The following TRIP13 variants were observed in gnomAD, a reference collection of about 807,000 sequenced individuals.
The protein encoded by TRIP13 is thyroid hormone receptor interactor 13, also known as pachytene checkpoint protein 2 homolog.
In TRIP13, 25 loss-of-function variants were observed where a neutral mutation model predicts 54.4. That is an observed-to-expected ratio of 0.46 (90% CI 0.33 to 0.64). The LOEUF is 0.64. Among genes scored for constraint, TRIP13 ranks in the 30% least tolerant of loss-of-function variants. TRIP13 has a pLI of 0.02. For synonymous variants in TRIP13, 207 were observed against 207.8 expected, an observed-to-expected ratio of 1.00 and a Z score of 0.03; for missense variants, 373 against 534.2, an observed-to-expected ratio of 0.70 and a Z score of 2.97.
intron 5 of TRIP13, 146 bp downstream of exon 5, chr5:901,577 G>A: frequency 1.5e-6 from 1 of 689,630 alleles, no homozygotes; most frequent in South Asian, 2.0e-5. Context: ...CTGTGAAGCA[G>A]ATCCAGCTCA....
chr5:911,497 C>T lies in TRIP13; in HGVS notation c.867-346C>T, dbSNP rs903840422. 9.3e-5 allele frequency among the ~76,000 whole-genome samples: 14 copies of T among 151,038 alleles called. No individual in the cohort carries two copies. Among genetic ancestry groups the T allele is most frequent in the African/African-American group, 3.2e-4 (13 of 40,956 alleles). ...GAGGCAGGAGAATGGTGTGAACCGG[C>T]GAGGCGGAGCTTGCAGTGAGCCGAG... is the stretch of plus-strand genomic sequence containing the variant. On this transcript the variant is annotated intron_variant, in intron 9 of 12. Coordinates refer to ENST00000166345, the MANE Select transcript of TRIP13 (RefSeq NM_004237.4). The surrounding 1 kb of genome is among the most constrained non-coding windows in gnomAD (Gnocchi z 4.7).
At chr5:896,627 G>A in intron 2 of TRIP13, 38 bp from the exon 3 acceptor site, 1 of 1,586,188 alleles carries the variant, frequency 6.3e-7, no homozygotes, top group Non-Finnish European at 8.6e-7. Flanking sequence ...AGTGAGAGTT[G>A]GAAATGTGTG....
In TRIP13 at chr5:892,919, C is replaced by T. The variant is rs547603457; in HGVS notation, c.-80C>T. 447 of 1,321,996 alleles carry T rather than the reference C, an allele frequency of 3.4e-4. 2 individuals carry two copies. The South Asian group carries it at 6.5e-3, about 19-fold the overall frequency. 81.9% of individuals were successfully genotyped at this position (1,321,996 alleles called of 1,614,324 possible). A position where few individuals can be genotyped will look rare whatever the true frequency, so the allele number is the denominator to read the frequency against. ...CTAGGGCGGGGCCCGCGGGCTGAGG[C>T]AGCGGCTGTGGCGGCGACGCTGGGC... On this transcript the variant is annotated 5_prime_UTR_variant, in exon 1 of 13. Coordinates refer to ENST00000166345, the MANE Select transcript of TRIP13 (RefSeq NM_004237.4).
At chr5:901,923 C>T (rs1252929465) in intron 5 of TRIP13, among the ~76,000 whole-genome samples, 2 of 152,186 alleles carry the variant, frequency 1.3e-5, no homozygotes, top group African/African-American at 2.4e-5. Flanking sequence ...GCGCGCGGCC[C>T]CTGGGGCATT....
In TRIP13 at chr5:915,748, A is replaced by G. The variant is rs1285057110; in HGVS notation, c.1134-156A>G. Among the ~76,000 whole-genome samples, 1 of 152,156 alleles carries G rather than the reference A, an allele frequency of 6.6e-6. No homozygotes were observed. The highest frequency in any genetic ancestry group is 1.5e-5 in the Non-Finnish European group (1 of 67,992). On this transcript the variant is annotated intron_variant, in intron 11 of 12. Coordinates refer to ENST00000166345, the MANE Select transcript of TRIP13 (RefSeq NM_004237.4). This position sits in a 1 kb window ranked among gnomAD's most constrained non-coding sequence, Gnocchi z 4.2. ...AGACATTCAGAGGGCAAGGCTCAGG[A>G]GACCAGTGAGGGGCAGGAAGTGCCC...
chr5:894,250 A>G (rs1446040898), intron 1 of TRIP13, among the ~76,000 whole-genome samples: 1 of 152,184 alleles, frequency 6.6e-6, no homozygotes, highest in Non-Finnish European at 1.5e-5. Flanking sequence ...ATAGCAGGGC[A>G]CAGAGGTGTG....
chr5:914,607 G>A (rs1274151148), intron 11 of TRIP13, 30 bp downstream of exon 11: 1 of 1,563,534 alleles, frequency 6.4e-7, no homozygotes, highest in Admixed American at 1.7e-5. Flanking sequence ...TTGTAATCAA[G>A]AAGAATCCAT....
rs1754317108 is a variant in TRIP13, at chr5:915,063, G to A, written c.1133+486G>A. On this transcript the variant is annotated intron_variant, in intron 11 of 12. Coordinates refer to ENST00000166345, the MANE Select transcript of TRIP13 (RefSeq NM_004237.4). The surrounding 1 kb of genome is among the most constrained non-coding windows in gnomAD (Gnocchi z 4.2). The stretch of plus-strand genomic sequence containing the variant: ...TGGGGAGGTGCCGGAGAGGCGGGGG[G>A]TGGAATGGACAGAGCCTCGGGTTTC... Among the ~76,000 whole-genome samples, 1 of 152,138 alleles carries A rather than the reference G, an allele frequency of 6.6e-6. No individual in the cohort carries two copies. The highest frequency in any genetic ancestry group is 6.5e-5 in the Admixed American group (1 of 15,274).
At position 901,458 on chromosome 5, in the gene TRIP13, C is replaced by G. The variant is rs1198233408; in HGVS notation, c.535+27C>G. 1.9e-6 allele frequency: 3 copies of G among 1,606,824 alleles called. No individual in the cohort carries two copies. In the African/African-American group the frequency reaches 4.0e-5, roughly 22 times the overall value. Reference sequence around the variant, plus strand: ...TAAATTATGCAGGCTTTTATTTGACCAGATAAGTGGCATGAAATTTAGCCT... The same window carrying G: ...TAAATTATGCAGGCTTTTATTTGACGAGATAAGTGGCATGAAATTTAGCCT... On this transcript the variant is annotated intron_variant, in intron 5 of 12. Coordinates refer to ENST00000166345, the MANE Select transcript of TRIP13 (RefSeq NM_004237.4).
At position 917,302 on chromosome 5, in the gene TRIP13, AC is replaced by A; in HGVS notation, c.*200del. The A allele has an allele frequency of 2.0e-6, 1 of 505,564 alleles. No homozygotes were observed. The highest frequency in any genetic ancestry group is 3.3e-5 in the East Asian group (1 of 30,070). The allele number at this position is 505,564 out of a possible 1,614,324, so 31.3% of individuals were successfully genotyped here. A position where few individuals can be genotyped will look rare whatever the true frequency, so the allele number is the denominator to read the frequency against. ...GTTGTTTTAAAATGCATACTGAGAG[AC>A]AAACATCTTGTCATTTTCACTGTTT... On this transcript the variant is annotated 3_prime_UTR_variant, in exon 13 of 13. Coordinates refer to ENST00000166345, the MANE Select transcript of TRIP13 (RefSeq NM_004237.4).
chr5:918,612 AATAG>A (rs1241898024), downstream of TRIP13, among the ~76,000 whole-genome samples: 1 of 152,338 alleles, frequency 6.6e-6, no homozygotes, highest in East Asian at 1.9e-4. This position sits in a 1 kb window ranked among gnomAD's most constrained non-coding sequence, Gnocchi z 4.3. Flanking sequence ...GAACTAATGG[AATAG>A]ATAGATACAT....
Position 892,941 on chromosome 5 carries a change from G to A in TRIP13, c.-58G>A. The A allele has an allele frequency of 7.1e-7, 1 of 1,402,972 alleles. No homozygotes were observed. Among genetic ancestry groups the A allele is most frequent in the African/African-American group, 1.5e-5 (1 of 65,932 alleles). The allele number at this position is 1,402,972 out of a possible 1,614,324, so 86.9% of individuals were successfully genotyped here. On this transcript the variant is annotated 5_prime_UTR_variant, in exon 1 of 13. Transcript: ENST00000166345. ...AGGCAGCGGCTGTGGCGGCGACGCT[G>A]GGCGTGAGGTGGCGGCGGCCGCGCC...
At chr5:901,621 T>C (rs780579329) in intron 5 of TRIP13, among the ~76,000 whole-genome samples, 190 bp downstream of exon 5, 4 of 152,258 alleles carry the variant, frequency 2.6e-5, no homozygotes, top group Non-Finnish European at 4.4e-5. Context: ...TGTTTGTTTG[T>C]TTTTGTTTTT....
intron 10 of TRIP13, 135 bp from the exon 11 acceptor site, chr5:914,330 A>G (rs1159277429): frequency 1.5e-6 from 1 of 664,052 alleles, no homozygotes; most frequent in Non-Finnish European, 2.7e-6. Context: ...GTGCATCTTG[A>G]GTCGTCACCG....
Position 914,555 on chromosome 5 carries a change from C to A in TRIP13, c.1111C>A (p.Leu371Ile). The part of the protein sequence containing the change: ...FIENNVSKLS[L>I]LLNDISRKSE... ...TGAAAACAACGTGTCAAAATTGAGC[C>A]TTCTTTTGAATGACATTTCAAGGTG... Residue 371 changes from leucine to isoleucine, a missense_variant, in exon 11 of 13, where the codon CTT (leucine) becomes ATT (isoleucine). Leu to Ile is a conservative substitution (Grantham distance 5). Transcript: ENST00000166345. 5.0e-6 allele frequency: 8 copies of A among 1,613,388 alleles called. No homozygotes were observed. The highest frequency in any genetic ancestry group is 5.9e-6 in the Non-Finnish European group (7 of 1,179,796).
Position 901,450 on chromosome 5 carries a change from T to C in TRIP13, c.535+19T>C. The stretch of plus-strand genomic sequence containing the variant: ...CTCCACGGTAAATTATGCAGGCTTT[T>C]ATTTGACCAGATAAGTGGCATGAAA... On this transcript the variant is annotated intron_variant, in intron 5 of 12. Transcript: ENST00000166345. 6.2e-7 allele frequency: 1 copy of C among 1,611,938 alleles called. No individual in the cohort carries two copies. Among genetic ancestry groups the C allele is most frequent in the Non-Finnish European group, 8.5e-7 (1 of 1,178,660 alleles).
At chr5:893,304 C>A (rs2150676436) in intron 1 of TRIP13, among the ~76,000 whole-genome samples, 1 of 152,154 alleles carries the variant, frequency 6.6e-6, no homozygotes, top group East Asian at 1.9e-4. Context: ...CCCGGCCGAC[C>A]CGAGCCCTGC....
Position 896,929 on chromosome 5 carries a change from A to G in TRIP13, c.388+135A>G, listed in dbSNP as rs1299669058. 6.6e-6 allele frequency: 7 copies of G among 1,067,902 alleles called. No individual in the cohort carries two copies. The African/African-American group carries it at 9.6e-5, about 15-fold the overall frequency. The allele number at this position is 1,067,902 out of a possible 1,614,324, so 66.2% of individuals were successfully genotyped here. A position where few individuals can be genotyped will look rare whatever the true frequency, so the allele number is the denominator to read the frequency against. On this transcript the variant is annotated intron_variant, in intron 3 of 12. Transcript: ENST00000166345. ...TTTAGGATGTTTTCTCTCTTATGAA[A>G]TGGAAAGTATATCACAAAAGAGGAA...
intron 5 of TRIP13, among the ~76,000 whole-genome samples, chr5:903,078 C>G (rs1025508406): frequency 1.3e-5 from 2 of 152,146 alleles, no homozygotes; most frequent in African/African-American, 4.8e-5. Context: ...GCGGGCGGGT[C>G]TGACTAATGT....
Sources: allele counts gnomAD v4.1 joint callset (sites outside exome capture counted in the v4.1 genomes callset), GRCh38; gene constraint gnomAD v4.1.1; non-coding constraint Gnocchi (gnomAD v3.1); transcripts MANE v1.5; gene names NCBI Gene and HGNC (gene_info 2026-07-23, HGNC 2026-07-21).